The following TXNDC12 variants were observed in gnomAD, a reference collection of about 807,000 sequenced individuals.
TXNDC12 encodes thioredoxin domain-containing protein 12.
In TXNDC12, 22 loss-of-function variants were observed where a neutral mutation model predicts 24.2. That is an observed-to-expected ratio of 0.91 (90% CI 0.65 to 1.30). The LOEUF is 1.30. Among genes scored for constraint, TXNDC12 ranks in the 50% most tolerant of loss-of-function variants. TXNDC12 has a pLI of 0.00. For synonymous variants in TXNDC12, 58 were observed against 73.4 expected, an observed-to-expected ratio of 0.79 and a Z score of 1.07; for missense variants, 184 against 205.8, an observed-to-expected ratio of 0.89 and a Z score of 0.65.
intron 4 of TXNDC12, 122 bp downstream of exon 4, chr1:52,027,153 G>C (rs1461496540): frequency 4.5e-6 from 3 of 669,460 alleles, no homozygotes; most frequent in Non-Finnish European, 7.7e-6. Flanking sequence ...GCGGTCAAGA[G>C]AAAAACACAT....
chr1:52,048,772 G>A (rs1325285699), intron 1 of TXNDC12, among the ~76,000 whole-genome samples: 2 of 151,970 alleles, frequency 1.3e-5, no homozygotes, highest in Non-Finnish European at 1.5e-5. Flanking sequence ...TGGGAGAATC[G>A]CTTAAACCCA....
chr1:52,021,134 A>T (rs1685590367), intron 6 of TXNDC12, 122 bp from the exon 7 acceptor site: 2 of 707,446 alleles, frequency 2.8e-6, no homozygotes, highest in African/African-American at 3.6e-5. Context: ...TGGACTCAAG[A>T]TCTAGCTCTG....
chr1:52,039,333 A>ATT (rs35253267), intron 2 of TXNDC12, among the ~76,000 whole-genome samples: 7 of 145,930 alleles, frequency 4.8e-5, no homozygotes, highest in African/African-American at 1.8e-4. Flanking sequence ...TAAGAGATTA[A>ATT]TTTTTTTTTT....
intron 2 of TXNDC12, among the ~76,000 whole-genome samples, chr1:52,030,921 G>A (rs1243410625): frequency 6.6e-6 from 1 of 152,150 alleles, no homozygotes; most frequent in East Asian, 1.9e-4. Flanking sequence ...ATACATTCAT[G>A]CTTATTTGTT....
chr1:52,025,879 G>T (rs1204642044), intron 4 of TXNDC12, among the ~76,000 whole-genome samples: 1 of 150,934 alleles, frequency 6.6e-6, no homozygotes, highest in Non-Finnish European at 1.5e-5. Flanking sequence ...ACCCAGGCTG[G>T]AGTGCAGTGG....
At chr1:52,053,285 A>T (rs1462472157) in intron 1 of TXNDC12, among the ~76,000 whole-genome samples, 1 of 151,994 alleles carries the variant, frequency 6.6e-6, no homozygotes, top group African/African-American at 2.4e-5. Context: ...AAACAAACAG[A>T]AAAAACAGCA....
chr1:52,032,011 A>G, intron 2 of TXNDC12: 1 of 424,580 alleles, frequency 2.4e-6, no homozygotes, highest in African/African-American at 2.1e-5. Flanking sequence ...GAACTATCAA[A>G]ATACTACTTC....
rs1471573135 is a variant in TXNDC12, at chr1:52,024,709, T to G, written c.286-130A>C. On this transcript the variant is annotated intron_variant, in intron 4 of 6. Coordinates refer to ENST00000371626, the MANE Select transcript of TXNDC12 (RefSeq NM_015913.4). ...GTGGCCTATAAGGCCCTACATGATCTATCACCTAGGCACTTCTCTAACTTA... is the reference window on the plus strand; with the variant it reads ...GTGGCCTATAAGGCCCTACATGATCGATCACCTAGGCACTTCTCTAACTTA... 9.0e-6 allele frequency: 6 copies of G among 665,032 alleles called. No individual in the cohort carries two copies. The East Asian group carries it at 1.6e-4, about 18-fold the overall frequency. 41.2% of individuals were successfully genotyped at this position (665,032 alleles called of 1,614,324 possible). A position where few individuals can be genotyped will look rare whatever the true frequency, so the allele number is the denominator to read the frequency against.
At chr1:52,043,771 A>C (rs1686038036) in intron 1 of TXNDC12, among the ~76,000 whole-genome samples, 1 of 152,236 alleles carries the variant, frequency 6.6e-6, no homozygotes, top group African/African-American at 2.4e-5. Context: ...GGCCAAGCTG[A>C]GATTTAAATT....
chr1:52,029,164 T>C (rs1200887354), intron 2 of TXNDC12, among the ~76,000 whole-genome samples: 1 of 152,198 alleles, frequency 6.6e-6, no homozygotes, highest in African/African-American at 2.4e-5. Context: ...TAAATGATTA[T>C]TGTTATATAA....
chr1:52,032,742 T>C (rs773211995), intron 2 of TXNDC12: 18 of 1,613,672 alleles, frequency 1.1e-5, no homozygotes, highest in East Asian at 2.2e-5. Context: ...TGTTGGCCAG[T>C]TGCGGCAAGT....
chr1:52,025,257 C>T (rs540492853), intron 4 of TXNDC12, among the ~76,000 whole-genome samples: 8 of 150,994 alleles, frequency 5.3e-5, no homozygotes, highest in African/African-American at 7.3e-5. Context: ...CTCGCTCTGT[C>T]GCCCAGGCTG....
intron 2 of TXNDC12, chr1:52,033,126 T>C (rs1685803850): frequency 6.2e-7 from 1 of 1,614,028 alleles, no homozygotes; most frequent in Non-Finnish European, 8.5e-7. Context: ...AGCGCAGCGT[T>C]AGGGCCTCCA....
intron 2 of TXNDC12, chr1:52,032,373 G>A (rs968004548): frequency 2.1e-5 from 23 of 1,097,424 alleles, no homozygotes; most frequent in South Asian, 1.2e-4. Context: ...GCTCTCCCAC[G>A]CCTCAGATGA....
At chr1:52,035,175 G>A (rs574915513) in intron 2 of TXNDC12, among the ~76,000 whole-genome samples, 4 of 152,318 alleles carry the variant, frequency 2.6e-5, no homozygotes, top group African/African-American at 9.6e-5. Context: ...TAGGATGGTA[G>A]GTGCAGAAAT....
chr1:52,050,966 G>A (rs866840244), intron 1 of TXNDC12: 3 of 169,898 alleles, frequency 1.8e-5, no homozygotes, highest in Middle Eastern at 1.0e-3. Context: ...GACTGGAATG[G>A]TATGCTGGTT....
chr1:52,051,190 G>T (rs1437457543), intron 1 of TXNDC12, among the ~76,000 whole-genome samples: 1 of 152,136 alleles, frequency 6.6e-6, no homozygotes, highest in Non-Finnish European at 1.5e-5. Context: ...TTCTCCCCAT[G>T]GGTGATGTAC....
Position 52,020,768 on chromosome 1 carries a change from G to T in TXNDC12, c.*165C>A. Reference sequence around the variant, plus strand: ...GCTGGATCCACAAACATGCAGACCAGCTTCTGTTAGCAGAACTCTTCCACA... The same window carrying T: ...GCTGGATCCACAAACATGCAGACCATCTTCTGTTAGCAGAACTCTTCCACA... On this transcript the variant is annotated 3_prime_UTR_variant, in exon 7 of 7. Transcript: ENST00000371626. 1.7e-6 allele frequency: 1 copy of T among 575,156 alleles called. No homozygotes were observed. 35.6% of individuals were successfully genotyped at this position (575,156 alleles called of 1,614,324 possible).
intron 2 of TXNDC12, chr1:52,033,059 G>A: frequency 1.3e-6 from 2 of 1,596,418 alleles, no homozygotes; most frequent in Non-Finnish European, 1.7e-6. Context: ...GGCTCCTCTA[G>A]GCCCACCAAA....
Sources: gnomAD v4.1 joint callset for allele counts (sites outside exome capture counted in the v4.1 genomes callset) on GRCh38, gnomAD v4.1.1 for gene constraint, MANE v1.5 for transcripts, NCBI Gene and HGNC (gene_info 2026-07-23, HGNC 2026-07-21) for gene names.